Variants in RFT1 observed in about 807,000 individuals in gnomAD.
The protein encoded by RFT1 is RFT1 glycolipid translocator homolog.
In RFT1, 43 loss-of-function variants were observed where a neutral mutation model predicts 62.2. The ratio of observed to expected loss-of-function variants is 0.69; its 90% CI spans 0.54 to 0.89. RFT1 has a LOEUF of 0.89. Ranked by LOEUF, RFT1 falls within the 40% of genes least tolerant of loss-of-function variation. The probability of loss-of-function intolerance (pLI) is 0.00; values close to 1 mark genes in which losing one functional copy is unlikely to be tolerated. For missense variants in RFT1, 605 were observed against 649.9 expected (o/e 0.93, Z 0.75); for synonymous variants, 262 against 264.6 (o/e 0.99, Z 0.10).
At chr3:53,080,834 G>A in the RFT1 span, among the ~76,000 whole-genome samples, 2 of 152,174 alleles carry the variant, frequency 1.3e-5, no homozygotes, top group African/African-American at 2.4e-5. Context: ...AGGGTAGCTG[G>A]GCTGGGTCCA....
intron 7 of RFT1, 134 bp downstream of exon 7, chr3:53,111,695 GC>G: frequency 1.3e-6 from 1 of 755,496 alleles, no homozygotes; most frequent in South Asian, 1.4e-5. Context: ...TCCGTATTAA[GC>G]CCCCTCCTCC....
chr3:53,128,390 G>A (rs9858469), intron 1 of RFT1, among the ~76,000 whole-genome samples: 40,066 of 152,158 alleles, frequency 0.26, 5,672 homozygotes, highest in Middle Eastern at 0.4. Context: ...CCATATCCAT[G>A]TCTCCTAATT....
At chr3:53,097,239 A>T (rs1013315607) in intron 11 of RFT1, among the ~76,000 whole-genome samples, 5 of 152,032 alleles carry the variant, frequency 3.3e-5, no homozygotes, top group East Asian at 1.9e-4. Context: ...ATTCACAGAG[A>T]TTAAAAAAAA....
At chr3:53,104,345 T>C (rs1701404237) in intron 9 of RFT1, among the ~76,000 whole-genome samples, 1 of 152,166 alleles carries the variant, frequency 6.6e-6, no homozygotes. Context: ...TTGTTTCAAA[T>C]ATTGCTTAGG....
chr3:53,103,284 T>A (rs1701369322), intron 10 of RFT1: 1 of 985,230 alleles, frequency 1.0e-6, no homozygotes, highest in African/African-American at 1.7e-5. Flanking sequence ...ATTAAAAACA[T>A]CTTTGCTAAA....
the RFT1 span, chr3:53,078,199 T>A: frequency 6.6e-6 from 1 of 152,154 alleles, no homozygotes; most frequent in African/African-American, 2.4e-5. Flanking sequence ...ACATAGAAAG[T>A]GCTGGGAATA....
intron 2 of RFT1, among the ~76,000 whole-genome samples, chr3:53,125,363 A>G (rs968674508): frequency 6.6e-6 from 1 of 152,248 alleles, no homozygotes; most frequent in African/African-American, 2.4e-5. Context: ...GGAGGCGAGT[A>G]GAAGAAACAA....
At chr3:53,107,811 C>T (rs748584093) in intron 7 of RFT1, among the ~76,000 whole-genome samples, 29 of 152,144 alleles carry the variant, frequency 1.9e-4, no homozygotes, top group African/African-American at 6.0e-4. Flanking sequence ...ACAGTGCCCA[C>T]GCCCTGAAGG....
At chr3:53,088,406 A>G (rs181386256), downstream of RFT1, 2 of 152,374 alleles carry the variant, frequency 1.3e-5, no homozygotes, top group African/African-American at 4.8e-5. Context: ...TCCTCAAGTT[A>G]CTTACCTACC....
Position 53,120,006 on chromosome 3 carries a change from C to G in RFT1, c.574G>C (p.Val192Leu). The change falls in exon 6 of 13, where the codon GTT becomes CTT. Residue 192 changes from valine to leucine, a missense_variant. Val to Leu is a conservative substitution (Grantham distance 32, BLOSUM62 1). Transcript: ENST00000296292. ...FSLAQLFYTT[V>L]LVLCYVIYFT... The stretch of plus-strand genomic sequence containing the variant: ...TAAATAACATAGCAGAGCACCAGAA[C>G]TGTGGTATAGAAAAGCTGAGAAAAA... 3.7e-6 allele frequency: 6 copies of G among 1,600,120 alleles called. No individual in the cohort carries two copies. Among genetic ancestry groups the G allele is most frequent in the Non-Finnish European group, 5.1e-6 (6 of 1,175,574 alleles).
chr3:53,080,254 G>T, the RFT1 span, among the ~76,000 whole-genome samples: 1 of 152,202 alleles, frequency 6.6e-6, no homozygotes, highest in Non-Finnish European at 1.5e-5. Context: ...GAGGTGTGCG[G>T]AATGTGTGTC....
chr3:53,100,621 T>C (rs1701282807), intron 10 of RFT1, among the ~76,000 whole-genome samples: 1 of 152,180 alleles, frequency 6.6e-6, no homozygotes, highest in Admixed American at 6.5e-5. Flanking sequence ...TGCGAAACCA[T>C]GGAAGAATCT....
rs1701005503 is a variant in RFT1 at position 53,092,053 on chromosome 3, C to T, written c.1476G>A (p.Glu492=). 1 of 1,614,250 alleles carries T rather than the reference C, an allele frequency of 6.2e-7. No homozygotes were observed. The part of the protein sequence containing the change: ...TAVSEVFLCC[E]QGWPARLAHI... ...GTGCCAGTCTGGCTGGCCAGCCCTG[C>T]TCACAGCAGAGGAATACCTGGGGAA... Residue 492 remains glutamate, a synonymous_variant, in exon 13 of 13, where the codon GAG becomes GAA. Coordinates refer to ENST00000296292, the MANE Select transcript of RFT1 (RefSeq NM_052859.4).
chr3:53,127,062 C>T (rs778837916), intron 1 of RFT1, among the ~76,000 whole-genome samples: 11 of 152,204 alleles, frequency 7.2e-5, no homozygotes, highest in Admixed American at 3.9e-4. Flanking sequence ...CCATCTTAAC[C>T]GTTATGGAGT....
intron 5 of RFT1, among the ~76,000 whole-genome samples, chr3:53,120,846 T>G (rs1025489318): frequency 3.3e-5 from 5 of 152,164 alleles, no homozygotes; most frequent in African/African-American, 1.2e-4. Flanking sequence ...TGTGGGCCCC[T>G]CTGCTCTCCA....
At chr3:53,078,486 C>G in the RFT1 span, among the ~76,000 whole-genome samples, 1 of 152,122 alleles carries the variant, frequency 6.6e-6, no homozygotes, top group Non-Finnish European at 1.5e-5. Context: ...CAGTGGCTCA[C>G]GCCTGTAATC....
the RFT1 span, among the ~76,000 whole-genome samples, chr3:53,082,372 G>A: frequency 3.9e-5 from 6 of 152,312 alleles, no homozygotes; most frequent in African/African-American, 1.4e-4. Context: ...CTACTCAGGA[G>A]GCTGAGGCAG....
intron 7 of RFT1, 54 bp downstream of exon 7, chr3:53,111,776 T>C (rs1027904597): frequency 6.8e-6 from 10 of 1,464,566 alleles, no homozygotes; most frequent in Middle Eastern, 1.7e-4. Context: ...GGCAGTCCTA[T>C]GAAATCCCCT....
At chr3:53,078,401 CATA>C in the RFT1 span, among the ~76,000 whole-genome samples, 1 of 152,162 alleles carries the variant, frequency 6.6e-6, no homozygotes, top group Non-Finnish European at 1.5e-5. Context: ...ACATAAAATA[CATA>C]ATATCAGGAG....
Sources: allele counts gnomAD v4.1 joint callset (sites outside exome capture counted in the v4.1 genomes callset), GRCh38; gene constraint gnomAD v4.1.1; transcripts MANE v1.5; gene names NCBI Gene and HGNC (gene_info 2026-07-23, HGNC 2026-07-21).